Variants in AVEN observed in about 807,000 individuals in gnomAD.
AVEN encodes the protein cell death regulator Aven.
A neutral mutation model predicts 38.1 loss-of-function variants in AVEN; 41 were observed. The observed-to-expected ratio is 1.08, with a 90% confidence interval of 0.84 to 1.40. The LOEUF (loss-of-function observed/expected upper bound fraction) is 1.40, where lower values mean the gene tolerates loss of function less well. Among genes scored for constraint, AVEN ranks in the 40% most tolerant of loss-of-function variants. The probability of loss-of-function intolerance (pLI) is 0.00; values close to 1 mark genes in which losing one functional copy is unlikely to be tolerated. For synonymous variants in AVEN, 206 were observed against 171.8 expected (o/e 1.20, Z -1.56); for missense variants, 605 against 438.8 (o/e 1.38, Z -3.38).
At chr15:34,033,326 T>C (rs1898950616) in intron 1 of AVEN, among the ~76,000 whole-genome samples, 1 of 151,890 alleles carries the variant, frequency 6.6e-6, no homozygotes, top group South Asian at 2.1e-4. Flanking sequence ...AGCAACACGG[T>C]GAAATCCCGT....
intron 2 of AVEN, among the ~76,000 whole-genome samples, chr15:33,981,475 CTTT>C (rs1896141869): frequency 6.6e-6 from 1 of 152,086 alleles, no homozygotes; most frequent in Non-Finnish European, 1.5e-5. Context: ...AAGCTTTCTT[CTTT>C]TAACAGATAC....
intron 2 of AVEN, among the ~76,000 whole-genome samples, chr15:33,891,928 G>A (rs1260764595): frequency 2.6e-5 from 4 of 152,308 alleles, no homozygotes; most frequent in South Asian, 4.1e-4. Flanking sequence ...CATTCTAACT[G>A]TCATGAGATG....
intron 2 of AVEN, among the ~76,000 whole-genome samples, chr15:33,973,056 T>G (rs1396790416): frequency 1.3e-5 from 2 of 152,222 alleles, no homozygotes; most frequent in East Asian, 3.8e-4. Context: ...TGTTTAAAGA[T>G]CTGACATTCT....
In AVEN at chr15:33,860,969, C is replaced by A. The variant is rs952399433; in HGVS notation, n.2730-1875G>T. 6 of 880,606 alleles carry A rather than the reference C, an allele frequency of 6.8e-6. No individual in the cohort carries two copies. In the Admixed American group the frequency reaches 1.0e-4, roughly 15 times the overall value. 54.5% of individuals were successfully genotyped at this position (880,606 alleles called of 1,614,324 possible). A position where few individuals can be genotyped will look rare whatever the true frequency, so the allele number is the denominator to read the frequency against. On this transcript the variant is annotated intron_variant and non_coding_transcript_variant, in intron 11 of 11. Coordinates refer to the AVEN transcript ENST00000675287. Reference sequence around the variant, plus strand: ...TGAGTGAATGACTAATAGCCAAAAGCATTAGAAAGAAAGTTTTCATTATCC... The same window carrying A: ...TGAGTGAATGACTAATAGCCAAAAGAATTAGAAAGAAAGTTTTCATTATCC...
intron 2 of AVEN, among the ~76,000 whole-genome samples, chr15:33,988,765 T>C (rs1211494134): frequency 6.6e-6 from 1 of 152,228 alleles, no homozygotes; most frequent in South Asian, 2.1e-4. Context: ...AAAAAACTCC[T>C]TGATAAATGA....
chr15:34,069,691 T>C (rs1261331490), intron 2 of AVEN, among the ~76,000 whole-genome samples: 2 of 152,314 alleles, frequency 1.3e-5, no homozygotes, highest in Non-Finnish European at 2.9e-5. Flanking sequence ...AATTTTTTTA[T>C]CTTCAGATTG....
chr15:33,853,028 T>A, the AVEN span: 8 of 1,600,100 alleles, frequency 5.0e-6, no homozygotes, highest in Non-Finnish European at 6.8e-6. Flanking sequence ...ACCAACCTTT[T>A]TCGTTTTGTT....
chr15:34,015,311 A>G (rs571962372), intron 1 of AVEN, among the ~76,000 whole-genome samples: 631 of 151,914 alleles, frequency 4.2e-3, no homozygotes, highest in Non-Finnish European at 7.3e-3. Flanking sequence ...GTGAAACCCC[A>G]CCTCTACTAA....
chr15:33,854,305 G>GA (rs1397330884), downstream of AVEN: 8 of 1,152,536 alleles, frequency 6.9e-6, no homozygotes, highest in South Asian at 2.9e-5. Context: ...AAACCTGAGA[G>GA]AAAAAACTTA....
At chr15:33,871,774 C>CAAAAAAAAAAAAAAAAAA (rs55793582) in intron 3 of AVEN, among the ~76,000 whole-genome samples, 1,309 of 91,352 alleles carry the variant, frequency 0.014, 32 homozygotes, top group Non-Finnish European at 0.023. Flanking sequence ...CTAGTCTCCT[C>CAAAAAAAAAAAAAAAAAA]AAAAAAAAAA....
intron 2 of AVEN, among the ~76,000 whole-genome samples, chr15:33,904,211 G>C (rs888318701): frequency 6.6e-5 from 10 of 152,170 alleles, no homozygotes; most frequent in Admixed American, 3.9e-4. Flanking sequence ...CTGGAAGCCA[G>C]GAATTTGAGA....
At chr15:33,921,477 T>TC (rs1364301127) in intron 2 of AVEN, among the ~76,000 whole-genome samples, 2 of 151,996 alleles carry the variant, frequency 1.3e-5, no homozygotes, top group Admixed American at 1.3e-4. Context: ...TTAGGAAAAG[T>TC]CAAAGAAATA....
intron 2 of AVEN, among the ~76,000 whole-genome samples, chr15:33,883,460 C>T (rs909471775): frequency 5.9e-5 from 9 of 152,064 alleles, no homozygotes; most frequent in Admixed American, 3.3e-4. Context: ...CCACAATATT[C>T]AATCAGTGGC....
intron 1 of AVEN, among the ~76,000 whole-genome samples, chr15:34,006,777 A>T (rs1426430099): frequency 6.6e-6 from 1 of 152,214 alleles, no homozygotes; most frequent in Non-Finnish European, 1.5e-5. Flanking sequence ...TTCACAAGAG[A>T]GTAGTAAGAA....
chr15:33,979,037 T>C (rs558160), intron 2 of AVEN, among the ~76,000 whole-genome samples: 123,478 of 152,112 alleles, frequency 0.81, 55,011 homozygotes, highest in Non-Finnish European at 0.98. Flanking sequence ...TCATCCTGTT[T>C]AGAAAGGTTG....
intron 4 of AVEN, among the ~76,000 whole-genome samples, chr15:33,869,551 A>G (rs576196375): frequency 2.0e-5 from 3 of 152,250 alleles, no homozygotes; most frequent in South Asian, 4.1e-4. Flanking sequence ...GTGCTCTCCC[A>G]AACACCCCCA....
rs1010352877 is a variant in AVEN at position 33,986,146 on chromosome 15, G to A, written c.445+16886C>T. On this transcript the variant is annotated intron_variant, in intron 2 of 5. Transcript: ENST00000306730. ...TTTTGAGATGGACTCTCGCTCTGTC[G>A]CCCAGGCTGGAGTGCAGTGGCGCCA... Among the ~76,000 whole-genome samples the A allele has an allele frequency of 4.6e-5, 7 of 150,826 alleles. 1 individual carries two copies. In the South Asian group the frequency reaches 6.4e-4, roughly 14 times the overall value.
chr15:33,900,938 C>A lies in AVEN; in HGVS notation c.446-24943G>T, dbSNP rs1234747117. Among the ~76,000 whole-genome samples, 3 of 152,118 alleles carry A rather than the reference C, an allele frequency of 2.0e-5. No individual in the cohort carries two copies. In the East Asian group the frequency reaches 5.8e-4, roughly 29 times the overall value. The stretch of plus-strand genomic sequence containing the variant: ...AAAGAAGGAAATGTCTATAGAGCAC[C>A]CTTGATGTAAGTAACTCCATCTTAG... On this transcript the variant is annotated intron_variant, in intron 2 of 5. Coordinates refer to ENST00000306730, the MANE Select transcript of AVEN (RefSeq NM_020371.3).
At chr15:33,857,937 G>A, downstream of AVEN, 4 of 1,379,592 alleles carry the variant, frequency 2.9e-6, no homozygotes, top group South Asian at 4.7e-5. Context: ...CCACTGCGGG[G>A]CCAGCCCACC....
Sources: gnomAD v4.1 joint callset for allele counts (sites outside exome capture counted in the v4.1 genomes callset) on GRCh38, gnomAD v4.1.1 for gene constraint, MANE v1.5 for transcripts, NCBI Gene and HGNC (gene_info 2026-07-23, HGNC 2026-07-21) for gene names.